Variants in EML6 observed in about 807,000 individuals in gnomAD.
The protein encoded by EML6 is EMAP like 6.
In EML6, 154 loss-of-function variants were observed where a neutral mutation model predicts 240.1. That is an observed-to-expected ratio of 0.64 (90% CI 0.56 to 0.73). The LOEUF is 0.73. Ranked by LOEUF, EML6 falls within the 30% of genes least tolerant of loss-of-function variation. EML6 has a pLI of 0.00. For synonymous variants in EML6, 1,148 were observed against 899.0 expected, an observed-to-expected ratio of 1.28 and a Z score of -4.95; for missense variants, 2,964 against 2,474.6, an observed-to-expected ratio of 1.20 and a Z score of -4.20.
intron 29 of EML6, 76 bp from the exon 30 acceptor site, chr2:54,950,574 C>T (rs1573204104): frequency 2.0e-6 from 3 of 1,493,688 alleles, no homozygotes; most frequent in South Asian, 2.5e-5. Flanking sequence ...CGAGGCTGCT[C>T]ACGCAATGTG....
At chr2:54,837,964 T>C (rs1669240414) in intron 7 of EML6, among the ~76,000 whole-genome samples, 1 of 152,182 alleles carries the variant, frequency 6.6e-6, no homozygotes, top group Non-Finnish European at 1.5e-5. Context: ...TCTGCCTGCT[T>C]TCAGTTTTCC....
At chr2:54,866,343 A>C (rs1217610024) in intron 13 of EML6, among the ~76,000 whole-genome samples, 1 of 152,214 alleles carries the variant, frequency 6.6e-6, no homozygotes, top group African/African-American at 2.4e-5. Context: ...GTTAAGATGC[A>C]TGAAGCTATG....
At chr2:54,793,332 A>G (rs949832446) in intron 2 of EML6, among the ~76,000 whole-genome samples, 2 of 149,722 alleles carry the variant, frequency 1.3e-5, no homozygotes, top group African/African-American at 4.9e-5. Context: ...GTCATAAAAC[A>G]CGGATCAACT....
chr2:54,844,582 C>CA (rs1240975964), intron 8 of EML6, among the ~76,000 whole-genome samples: 2 of 152,202 alleles, frequency 1.3e-5, no homozygotes, highest in Non-Finnish European at 2.9e-5. Context: ...TGGTCTTCTG[C>CA]AGGGGGCTGC....
chr2:54,884,779 G>C (rs1672031591), intron 17 of EML6, among the ~76,000 whole-genome samples: 1 of 152,144 alleles, frequency 6.6e-6, no homozygotes, highest in Non-Finnish European at 1.5e-5. Context: ...TTATCTCTAG[G>C]AAATATAATT....
chr2:54,888,178 A>C (rs1372192804), intron 17 of EML6, among the ~76,000 whole-genome samples: 2 of 152,174 alleles, frequency 1.3e-5, no homozygotes, highest in East Asian at 3.9e-4. Context: ...CAGGATTCAT[A>C]GCAGAGGGTA....
chr2:54,928,148 A>G (rs555803591), intron 26 of EML6, among the ~76,000 whole-genome samples, 165 bp from the exon 27 acceptor site: 1 of 152,336 alleles, frequency 6.6e-6, no homozygotes, highest in East Asian at 1.9e-4. Context: ...GTTTGAAGAA[A>G]AAAGAGACCT....
intron 20 of EML6, 80 bp downstream of exon 20, chr2:54,895,106 T>C: frequency 7.5e-7 from 1 of 1,337,024 alleles, no homozygotes; most frequent in South Asian, 1.3e-5. Flanking sequence ...TAGAAAACTA[T>C]TAGCAAATCA....
intron 25 of EML6, among the ~76,000 whole-genome samples, chr2:54,915,187 C>T (rs1008464675): frequency 6.6e-6 from 1 of 152,194 alleles, no homozygotes; most frequent in East Asian, 1.9e-4. Flanking sequence ...ATTTCTGTAG[C>T]TTCCAGCAAG....
chr2:54,815,018 A>G (rs912072861), intron 3 of EML6, among the ~76,000 whole-genome samples: 1 of 152,232 alleles, frequency 6.6e-6, no homozygotes, highest in African/African-American at 2.4e-5. Flanking sequence ...GTATAAATGT[A>G]TGCTTATGTC....
chr2:54,823,884 C>CTCTCTCTCTG (rs1668459992), intron 5 of EML6, among the ~76,000 whole-genome samples: 1 of 146,202 alleles, frequency 6.8e-6, no homozygotes. Flanking sequence ...CTCTTTCTGT[C>CTCTCTCTCTG]TCTCTCTCTC....
At chr2:54,764,399 A>G (rs999636574) in intron 2 of EML6, among the ~76,000 whole-genome samples, 16 of 152,350 alleles carry the variant, frequency 1.1e-4, no homozygotes, top group African/African-American at 3.1e-4. Context: ...TTAACTCAAC[A>G]TCTGATCCCC....
At chr2:54,733,546 G>A (rs972375009) in intron 2 of EML6, among the ~76,000 whole-genome samples, 37 of 152,290 alleles carry the variant, frequency 2.4e-4, no homozygotes, top group African/African-American at 8.4e-4. Flanking sequence ...TCTCTTGGAA[G>A]TGTCCCTGTG....
At chr2:54,737,359 C>T (rs372803655) in intron 2 of EML6, among the ~76,000 whole-genome samples, 23 of 152,176 alleles carry the variant, frequency 1.5e-4, no homozygotes, top group African/African-American at 5.1e-4. Flanking sequence ...AGTGCAGTGG[C>T]GCGATCTCGG....
chr2:54,862,989 G>A (rs930705365), intron 12 of EML6, among the ~76,000 whole-genome samples: 4 of 152,220 alleles, frequency 2.6e-5, no homozygotes, highest in African/African-American at 9.7e-5. Flanking sequence ...TCAGAATGGG[G>A]CTCAAGCAGT....
rs1676955187 is a variant in EML6 at position 54,970,795 on chromosome 2, G to A, written c.*700G>A. 6.6e-6 allele frequency: 1 copy of A among 152,332 alleles called. No homozygotes were observed. Among genetic ancestry groups the A allele is most frequent in the Non-Finnish European group, 1.5e-5 (1 of 68,138 alleles). 9.4% of individuals were successfully genotyped at this position (152,332 alleles called of 1,614,324 possible). ...GAGGAGGGCTGCAGGACCCTTAGCA[G>A]ATTCAGTGTGTCACCCTTGTCCTGT... On this transcript the variant is annotated 3_prime_UTR_variant, in exon 42 of 42. Transcript: ENST00000356458.
chr2:54,746,569 T>A lies in EML6; in HGVS notation c.197+21311T>A, dbSNP rs186231831. ...GAGTGTTGTTGTTGTTACTAATCCT[T>A]ATAGTATGTCACACTGCGAAGACTG... On this transcript the variant is annotated intron_variant, in intron 2 of 41. Transcript: ENST00000356458. 2.0e-5 allele frequency among the ~76,000 whole-genome samples: 3 copies of A among 152,322 alleles called. No individual in the cohort carries two copies. In the East Asian group the frequency reaches 5.8e-4, roughly 29 times the overall value.
At chr2:54,835,592 T>G (rs1669099193) in intron 7 of EML6, among the ~76,000 whole-genome samples, 1 of 152,062 alleles carries the variant, frequency 6.6e-6, no homozygotes, top group South Asian at 2.1e-4. Context: ...CAGACTGGGG[T>G]AGGATAGGAT....
chr2:54,934,092 C>T (rs1427156202), intron 28 of EML6, among the ~76,000 whole-genome samples: 2 of 152,054 alleles, frequency 1.3e-5, no homozygotes, highest in South Asian at 2.1e-4. Flanking sequence ...CTGCCCTAGC[C>T]GTGTGCGAGT....
Sources: allele counts gnomAD v4.1 joint callset (sites outside exome capture counted in the v4.1 genomes callset), GRCh38; gene constraint gnomAD v4.1.1; transcripts MANE v1.5; gene names NCBI Gene and HGNC (gene_info 2026-07-23, HGNC 2026-07-21).